The following TRPC5 variants were observed in gnomAD, a reference collection of about 807,000 sequenced individuals.
The protein encoded by TRPC5 is short transient receptor potential channel 5.
Under a neutral mutation model 56.5 loss-of-function variants are expected in TRPC5, and 9 were observed. The ratio of observed to expected loss-of-function variants is 0.16; its 90% CI spans 0.10 to 0.28. TRPC5 has a LOEUF of 0.28. TRPC5 is among the 10% of genes least tolerant of loss of function. The probability of loss-of-function intolerance (pLI) is 1.00; values close to 1 mark genes in which losing one functional copy is unlikely to be tolerated. For synonymous variants in TRPC5, 282 were observed against 278.5 expected, an observed-to-expected ratio of 1.01 and a Z score of -0.13; for missense variants, 469 against 748.9, an observed-to-expected ratio of 0.63 and a Z score of 4.36.
At chrX:112,050,748 G>GA (rs1256183740) in intron 1 of TRPC5, among the ~76,000 whole-genome samples, 2 of 111,391 alleles carry the variant, frequency 1.8e-5, no homozygotes, top group African/African-American at 6.5e-5. Flanking sequence ...GGAAAGAGTG[G>GA]AAAAAACATT....
chrX:112,009,690 T>A (rs1473331450), intron 1 of TRPC5, among the ~76,000 whole-genome samples: 1 of 111,651 alleles, frequency 9.0e-6, no homozygotes, highest in Non-Finnish European at 1.9e-5. Context: ...ATTCAAGACC[T>A]GGTGAAAGTG....
chrX:111,877,940 G>C (rs963771966), intron 3 of TRPC5, among the ~76,000 whole-genome samples: 1 of 111,350 alleles, frequency 9.0e-6, no homozygotes, highest in African/African-American at 3.3e-5. Flanking sequence ...TAATATTTGA[G>C]GATAGATGAT....
At chrX:112,029,948 C>T (rs770274646) in intron 1 of TRPC5, among the ~76,000 whole-genome samples, 28 of 110,786 alleles carry the variant, frequency 2.5e-4, no homozygotes, top group Non-Finnish European at 2.3e-4. Flanking sequence ...CTGCCTCAGC[C>T]TCCCAAGTAG....
intron 1 of TRPC5, among the ~76,000 whole-genome samples, chrX:111,995,573 G>A (rs917498043): frequency 1.8e-5 from 2 of 110,946 alleles, no homozygotes; most frequent in Admixed American, 1.9e-4. Flanking sequence ...GGTAGAATTC[G>A]GCTGTGAATC....
In TRPC5 at chrX:111,807,938, G is replaced by GTC. The variant is rs1171739056; in HGVS notation, c.1897-25802_1897-25801dup. On this transcript the variant is annotated intron_variant, in intron 7 of 10. Coordinates refer to ENST00000262839, the MANE Select transcript of TRPC5 (RefSeq NM_012471.3). Reference sequence around the variant, plus strand: ...CGTTATTTTCTCCCAAACAAATGGAGTCTCTCTCTCTCTCTCTCTGTGTGT... The same window carrying GTC: ...CGTTATTTTCTCCCAAACAAATGGAGTCTCTCTCTCTCTCTCTCTCTGTGTGT... 3.6e-3 allele frequency among the ~76,000 whole-genome samples: 349 copies of GTC among 98,106 alleles called. 2 individuals are homozygous for GTC. Among genetic ancestry groups the GTC allele is most frequent in the Middle Eastern group, 0.015 (3 of 204 alleles). 85.2% of individuals were successfully genotyped at this position (98,106 alleles called of 115,157 possible).
Position 111,913,868 on chromosome X carries a change from G to C in TRPC5, c.379-1056C>G, listed in dbSNP as rs1008488161. 3.7e-5 allele frequency among the ~76,000 whole-genome samples: 4 copies of C among 108,135 alleles called. No individual in the cohort carries two copies. In the Admixed American group the frequency reaches 4.0e-4, roughly 11 times the overall value. The allele number at this position is 108,135 out of a possible 115,157, so 93.9% of individuals were successfully genotyped here. A position where few individuals can be genotyped will look rare whatever the true frequency, so the allele number is the denominator to read the frequency against. ...CCAGCTACGTGGGAGCCTGAGGCAGGAGAATGGCATGAACCCAGGAGGCAG... is the reference window on the plus strand; with the variant it reads ...CCAGCTACGTGGGAGCCTGAGGCAGCAGAATGGCATGAACCCAGGAGGCAG... On this transcript the variant is annotated intron_variant, in intron 2 of 10. Coordinates refer to ENST00000262839, the MANE Select transcript of TRPC5 (RefSeq NM_012471.3).
intron 1 of TRPC5, among the ~76,000 whole-genome samples, chrX:111,987,548 CT>C (rs1375351879): frequency 1.0e-4 from 11 of 107,760 alleles, no homozygotes; most frequent in Non-Finnish European, 1.2e-4. Flanking sequence ...ATTCATTCAA[CT>C]TTTTTTTTTA....
At chrX:112,009,920 C>G (rs929626925) in intron 1 of TRPC5, among the ~76,000 whole-genome samples, 1 of 111,246 alleles carries the variant, frequency 9.0e-6, no homozygotes, top group Non-Finnish European at 1.9e-5. Flanking sequence ...GGGTGCAGCA[C>G]ACCAACATGG....
chrX:112,047,558 G>T (rs745824688), intron 1 of TRPC5, among the ~76,000 whole-genome samples: 2 of 112,173 alleles, frequency 1.8e-5, no homozygotes, highest in South Asian at 7.5e-4. Context: ...TTATTGATAA[G>T]CTCTTCTAGG....
At chrX:112,068,757 G>C (rs1038462493) in intron 1 of TRPC5, among the ~76,000 whole-genome samples, 8 of 111,952 alleles carry the variant, frequency 7.1e-5, no homozygotes, top group African/African-American at 2.6e-4. Context: ...AGGGCCTTGG[G>C]TTCTCATTCC....
In TRPC5 at chrX:111,773,682, CCTT is replaced by C. The variant is rs1447175728; in HGVS notation, c.*2628_*2630del. On this transcript the variant is annotated 3_prime_UTR_variant, in exon 11 of 11. Coordinates refer to ENST00000262839, the MANE Select transcript of TRPC5 (RefSeq NM_012471.3). Reference sequence around the variant, plus strand: ...TCTGTGACCTTGAGCAAGTCATTGTCCTTCTCTGGGCCTCTTTATTTTCTATTT... The same window carrying C: ...TCTGTGACCTTGAGCAAGTCATTGTCCTCTGGGCCTCTTTATTTTCTATTT... Among the ~76,000 whole-genome samples the C allele has an allele frequency of 8.1e-5, 9 of 110,932 alleles. No homozygotes were observed. The highest frequency in any genetic ancestry group is 1.1e-4 in the Non-Finnish European group (6 of 52,916).
At chrX:111,985,880 C>T (rs2148654130) in intron 1 of TRPC5, among the ~76,000 whole-genome samples, 1 of 111,700 alleles carries the variant, frequency 9.0e-6, no homozygotes, top group African/African-American at 3.2e-5. Flanking sequence ...CTGCACTTGG[C>T]CCCTGCCACA....
intron 7 of TRPC5, among the ~76,000 whole-genome samples, chrX:111,812,251 T>G (rs1921732649): frequency 9.0e-6 from 1 of 111,234 alleles, no homozygotes; most frequent in South Asian, 3.8e-4. Flanking sequence ...AATGGAAAGA[T>G]ACAGTAGGCC....
intron 1 of TRPC5, among the ~76,000 whole-genome samples, chrX:112,013,171 GAC>G (rs1929035107): frequency 9.0e-6 from 1 of 111,339 alleles, no homozygotes; most frequent in Non-Finnish European, 1.9e-5. Context: ...TTACTTTGGA[GAC>G]AGAGTCTCAC....
intron 1 of TRPC5, among the ~76,000 whole-genome samples, chrX:111,965,267 G>A (rs1927527857): frequency 8.9e-6 from 1 of 112,054 alleles, no homozygotes; most frequent in African/African-American, 3.2e-5. Context: ...TCAACAAGAA[G>A]AGCTAACTAT....
chrX:111,964,735 G>T (rs1381116482), intron 1 of TRPC5, among the ~76,000 whole-genome samples: 1 of 111,328 alleles, frequency 9.0e-6, no homozygotes, highest in African/African-American at 3.3e-5. Context: ...AGCTTCATAA[G>T]TGAAGGAGAA....
intron 7 of TRPC5, among the ~76,000 whole-genome samples, chrX:111,788,710 A>G (rs965380532): frequency 8.9e-6 from 1 of 112,024 alleles, no homozygotes; most frequent in African/African-American, 3.2e-5. Context: ...CGCAACTTCA[A>G]CAAAGTCTCA....
At chrX:111,889,644 T>C (rs920429287) in intron 3 of TRPC5, among the ~76,000 whole-genome samples, 4 of 111,596 alleles carry the variant, frequency 3.6e-5, no homozygotes, top group Non-Finnish European at 7.5e-5. Context: ...CTTAGAAACT[T>C]TGGGAGGTAG....
chrX:111,880,082 TGC>T (rs1183980022), intron 3 of TRPC5, among the ~76,000 whole-genome samples: 1 of 109,985 alleles, frequency 9.1e-6, no homozygotes, highest in Non-Finnish European at 1.9e-5. Flanking sequence ...ATTCATTTGT[TGC>T]TGCTTTTTTT....
Sources: gnomAD v4.1 joint callset for allele counts (sites outside exome capture counted in the v4.1 genomes callset) on GRCh38, gnomAD v4.1.1 for gene constraint, MANE v1.5 for transcripts, NCBI Gene and HGNC (gene_info 2026-07-23, HGNC 2026-07-21) for gene names.